NELL2: variants seen among roughly 807,000 people sequenced by gnomAD.
The protein encoded by NELL2 is neural EGFL like 2.
Under a neutral mutation model 109.6 loss-of-function variants are expected in NELL2, and 41 were observed. The observed-to-expected ratio is 0.37, with a 90% CI of 0.29 to 0.49. The LOEUF (loss-of-function observed/expected upper bound fraction) is 0.49, where lower values mean the gene tolerates loss of function less well. Ranked by LOEUF, NELL2 falls within the 20% of genes least tolerant of loss-of-function variation. NELL2 has a pLI of 0.98. For missense variants in NELL2, 900 were observed against 1,008.3 expected (o/e 0.89, Z 1.45); for synonymous variants, 355 against 344.7 (o/e 1.03, Z -0.33).
intron 12 of NELL2, among the ~76,000 whole-genome samples, chr12:44,703,379 C>T (rs1346455149): frequency 6.6e-6 from 1 of 152,098 alleles, no homozygotes; most frequent in East Asian, 1.9e-4. Context: ...TTACACAACA[C>T]TGTCTGGAAA....
intron 15 of NELL2, among the ~76,000 whole-genome samples, chr12:44,564,127 A>G (rs887047783): frequency 1.3e-5 from 2 of 152,226 alleles, no homozygotes; most frequent in South Asian, 2.1e-4. Context: ...TGATGAAAGG[A>G]TATGACAGTT....
chr12:44,579,923 T>C (rs951546334), intron 15 of NELL2, among the ~76,000 whole-genome samples: 7 of 152,352 alleles, frequency 4.6e-5, no homozygotes, highest in African/African-American at 1.7e-4. Context: ...TGACATAATG[T>C]ATTCTGTAGC....
chr12:44,558,157 T>C (rs1202915834), intron 15 of NELL2, among the ~76,000 whole-genome samples: 1 of 152,122 alleles, frequency 6.6e-6, no homozygotes, highest in East Asian at 1.9e-4. Context: ...TAATGAAACT[T>C]GAATATGTTT....
chr12:44,738,932 A>T (rs764167091), intron 9 of NELL2, among the ~76,000 whole-genome samples: 1 of 152,130 alleles, frequency 6.6e-6, no homozygotes, highest in Non-Finnish European at 1.5e-5. Context: ...GCTACCTCCC[A>T]CTCATGGACT....
chr12:44,623,239 C>T (rs189277308), intron 13 of NELL2, among the ~76,000 whole-genome samples: 90 of 151,872 alleles, frequency 5.9e-4, no homozygotes, highest in African/African-American at 1.8e-3. Flanking sequence ...TATGTGGGTA[C>T]GTGTGTGAAT....
chr12:44,509,068 A>G, intron 19 of NELL2, 84 bp from the exon 20 acceptor site: 2 of 1,118,894 alleles, frequency 1.8e-6, no homozygotes, highest in South Asian at 2.6e-5. Context: ...TGGTACTTAC[A>G]AACAAAACTG....
At chr12:44,627,452 GAATA>G (rs1946309227) in intron 13 of NELL2, among the ~76,000 whole-genome samples, 1 of 149,940 alleles carries the variant, frequency 6.7e-6, no homozygotes, top group Non-Finnish European at 1.5e-5. Flanking sequence ...AATCAGAACT[GAATA>G]AATAAAGCAT....
intron 9 of NELL2, among the ~76,000 whole-genome samples, chr12:44,725,397 G>C (rs770569128): frequency 1.3e-5 from 2 of 152,124 alleles, no homozygotes; most frequent in Non-Finnish European, 2.9e-5. Context: ...ATTATACGCT[G>C]TTGGTGGGAG....
chr12:44,826,734 G>A (rs1432075236), intron 2 of NELL2, among the ~76,000 whole-genome samples: 1 of 152,140 alleles, frequency 6.6e-6, no homozygotes, highest in Non-Finnish European at 1.5e-5. Flanking sequence ...ACTTACAAAA[G>A]CAATTACAGC....
intron 15 of NELL2, among the ~76,000 whole-genome samples, chr12:44,579,911 A>C (rs560247890): frequency 2.4e-4 from 36 of 152,334 alleles, no homozygotes; most frequent in African/African-American, 6.5e-4. Context: ...GAGTGCATCA[A>C]ATGACATAAT....
At chr12:44,734,192 T>C (rs1424218373) in intron 9 of NELL2, among the ~76,000 whole-genome samples, 1 of 152,004 alleles carries the variant, frequency 6.6e-6, no homozygotes, top group Non-Finnish European at 1.5e-5. Flanking sequence ...CAAGTTCAAA[T>C]TGCTAGGTCC....
intron 15 of NELL2, among the ~76,000 whole-genome samples, chr12:44,573,689 GA>G (rs1204220282): frequency 6.6e-6 from 1 of 152,194 alleles, no homozygotes; most frequent in East Asian, 1.9e-4. Context: ...GAAAGGAAAA[GA>G]TTTAAGTGAT....
At chr12:44,894,580 C>T (rs535126207) in intron 1 of NELL2, among the ~76,000 whole-genome samples, 2 of 152,218 alleles carry the variant, frequency 1.3e-5, no homozygotes, top group South Asian at 4.1e-4. Flanking sequence ...CTCATGCATG[C>T]ATCTTCTTTT....
intron 3 of NELL2, among the ~76,000 whole-genome samples, chr12:44,815,275 T>C (rs1796175106): frequency 6.6e-6 from 1 of 152,276 alleles, no homozygotes; most frequent in Non-Finnish European, 1.5e-5. Flanking sequence ...ACAATCCATG[T>C]CCAAGAAGAC....
At chr12:44,912,092 T>C (rs1945786549) in intron 1 of NELL2, among the ~76,000 whole-genome samples, 1 of 151,708 alleles carries the variant, frequency 6.6e-6, no homozygotes, top group Non-Finnish European at 1.5e-5. Context: ...GTACTGAGAA[T>C]GGAAAAGCCC....
intron 9 of NELL2, among the ~76,000 whole-genome samples, chr12:44,729,049 CT>C (rs1939227528): frequency 6.6e-6 from 1 of 151,974 alleles, no homozygotes; most frequent in South Asian, 2.1e-4. Context: ...TACTTTTTAA[CT>C]GGTAAAGGTA....
rs138314628 is a variant in NELL2 at position 44,665,605 on chromosome 12, G to A, written c.1323C>T (p.Ile441=). Residue 441 remains isoleucine (I), a synonymous_variant, in exon 13 of 20, where the codon ATC becomes ATT. Coordinates refer to ENST00000429094, the MANE Select transcript of NELL2 (RefSeq NM_001145108.2). ...LREDNAYCED[I]DECAEGRHYC... is the part of the protein sequence containing the mutation. ...AATGGCGCCCTTCAGCACACTCATC[G>A]ATGTCTGTGAAGAAAAACAGGACAA... The A allele has an allele frequency of 2.8e-5, 45 of 1,611,452 alleles. No individual in the cohort carries two copies. The highest frequency in any genetic ancestry group is 3.1e-5 in the Non-Finnish European group (37 of 1,178,550).
At chr12:44,707,893 T>A (rs1014746667) in intron 11 of NELL2, among the ~76,000 whole-genome samples, 1 of 152,204 alleles carries the variant, frequency 6.6e-6, no homozygotes, top group Admixed American at 6.5e-5. Context: ...CTATGGGTTA[T>A]CCAGAAGTTT....
At chr12:44,509,284 A>C (rs1325672494) in intron 19 of NELL2, among the ~76,000 whole-genome samples, 1 of 152,200 alleles carries the variant, frequency 6.6e-6, no homozygotes, top group Non-Finnish European at 1.5e-5. Context: ...AAGTATATTA[A>C]TAAATAAAGC....
Sources: gnomAD v4.1 joint callset for allele counts (sites outside exome capture counted in the v4.1 genomes callset) on GRCh38, gnomAD v4.1.1 for gene constraint, MANE v1.5 for transcripts, NCBI Gene and HGNC (gene_info 2026-07-23, HGNC 2026-07-21) for gene names.